Variants in JPH2 observed in about 807,000 individuals in gnomAD.
The protein encoded by JPH2 is junctophilin-2.
JPH2 carries 38 observed loss-of-function variants against 55.9 expected under a neutral mutation model. The ratio of observed to expected loss-of-function variants is 0.68; its 90% CI spans 0.52 to 0.89. The LOEUF (loss-of-function observed/expected upper bound fraction) is 0.89. JPH2 is among the 40% of genes least tolerant of loss of function. The pLI is 0.00. For missense variants in JPH2, 964 were observed against 1,037.6 expected, an observed-to-expected ratio of 0.93 and a Z score of 0.97; for synonymous variants, 480 against 472.4, an observed-to-expected ratio of 1.02 and a Z score of -0.21.
At chr20:44,137,356 G>T (rs927717531) in intron 2 of JPH2, among the ~76,000 whole-genome samples, 3 of 151,890 alleles carry the variant, frequency 2.0e-5, no homozygotes, top group African/African-American at 7.3e-5. Flanking sequence ...TCTGTGAGCC[G>T]GAGGAATGTG....
intron 2 of JPH2, among the ~76,000 whole-genome samples, chr20:44,143,730 A>G (rs1376005025): frequency 6.6e-6 from 1 of 152,142 alleles, no homozygotes; most frequent in Admixed American, 6.5e-5. Context: ...ACCTTAACTG[A>G]GGGCCCCATG....
chr20:44,180,337 T>A (rs985781597), intron 1 of JPH2, among the ~76,000 whole-genome samples: 1 of 149,900 alleles, frequency 6.7e-6, no homozygotes, highest in African/African-American at 2.5e-5. Context: ...TTATATTTAT[T>A]TTATTTTTTT....
chr20:44,161,079 T>TAC (rs374186241), intron 1 of JPH2, among the ~76,000 whole-genome samples: 11 of 151,592 alleles, frequency 7.3e-5, no homozygotes, highest in African/African-American at 2.2e-4. Flanking sequence ...CTGTCACACA[T>TAC]ACACACACAC....
intron 2 of JPH2, among the ~76,000 whole-genome samples, chr20:44,134,723 TATTTATTATAAATATATAA>T (rs2072389675): frequency 3.9e-5 from 3 of 76,030 alleles, no homozygotes; most frequent in Admixed American, 4.3e-4. Flanking sequence ...TATAAATATA[TATTTATTATAAATATATAA>T]AGATATATTT....
At chr20:44,157,621 C>A (rs904992054) in intron 2 of JPH2, among the ~76,000 whole-genome samples, 7 of 152,176 alleles carry the variant, frequency 4.6e-5, no homozygotes, top group African/African-American at 7.2e-5. Flanking sequence ...ACCAACTTGT[C>A]TTTATAGATG....
chr20:44,162,787 T>TATATAC (rs1311653754), intron 1 of JPH2, among the ~76,000 whole-genome samples: 7 of 41,004 alleles, frequency 1.7e-4, no homozygotes, highest in Non-Finnish European at 1.2e-4. Flanking sequence ...TATATATATA[T>TATATAC]ACACACACAC....
chr20:44,134,884 A>T lies in JPH2; in HGVS notation c.1170-16261T>A, dbSNP rs76147480. Reference sequence around the variant, plus strand: ...TATATAAATATATATATTTATATATATATTAATATATATTTATATATATAT... The same window carrying T: ...TATATAAATATATATATTTATATATTTATTAATATATATTTATATATATAT... On this transcript the variant is annotated intron_variant, in intron 2 of 5. Coordinates refer to ENST00000372980, the MANE Select transcript of JPH2 (RefSeq NM_020433.5). 3.7e-3 allele frequency among the ~76,000 whole-genome samples: 178 copies of T among 47,984 alleles called. 1 individual carries two copies. Among genetic ancestry groups the T allele is most frequent in the Non-Finnish European group, 6.3e-3 (164 of 26,230 alleles). 31.5% of individuals were successfully genotyped at this position (47,984 alleles called of 152,430 possible). A position where few individuals can be genotyped will look rare whatever the true frequency, so the allele number is the denominator to read the frequency against.
At chr20:44,122,893 C>A (rs2072248406) in intron 2 of JPH2, among the ~76,000 whole-genome samples, 1 of 152,126 alleles carries the variant, frequency 6.6e-6, no homozygotes, top group South Asian at 2.1e-4. Flanking sequence ...GCACATGAAA[C>A]CCCAGGAGGG....
intron 2 of JPH2, among the ~76,000 whole-genome samples, chr20:44,130,825 G>A (rs915435529): frequency 5.9e-5 from 9 of 151,968 alleles, no homozygotes; most frequent in African/African-American, 9.7e-5. Context: ...TTATTTTTTC[G>A]TTTTTTGGGG....
chr20:44,130,618 G>A (rs975894862), intron 2 of JPH2, among the ~76,000 whole-genome samples: 2 of 152,228 alleles, frequency 1.3e-5, no homozygotes, highest in Non-Finnish European at 1.5e-5. Context: ...TGGCAAAGAG[G>A]CTTTCACTGC....
chr20:44,173,289 G>T (rs2072710940), intron 1 of JPH2, among the ~76,000 whole-genome samples: 1 of 151,930 alleles, frequency 6.6e-6, no homozygotes, highest in Non-Finnish European at 1.5e-5. Context: ...AATATTTTTT[G>T]AACTTTTACA....
chr20:44,151,453 G>A (rs2072529775), intron 2 of JPH2, among the ~76,000 whole-genome samples: 1 of 152,118 alleles, frequency 6.6e-6, no homozygotes, highest in Non-Finnish European at 1.5e-5. Context: ...GGAGGTGGAG[G>A]TTGCAGCGAG....
At chr20:44,175,641 G>A (rs1307310789) in intron 1 of JPH2, among the ~76,000 whole-genome samples, 1 of 152,192 alleles carries the variant, frequency 6.6e-6, no homozygotes, top group Non-Finnish European at 1.5e-5. Context: ...ACAAGTCCCT[G>A]AGCCCGCAAG....
chr20:44,150,943 T>G lies in JPH2; in HGVS notation c.1169+8675A>C, dbSNP rs60462332. The stretch of plus-strand genomic sequence containing the variant: ...TACTTGGGAGGCTGAGATGGGAGGA[T>G]CACTTGAGCCTGGGTGGTGGAGGCT... On this transcript the variant is annotated intron_variant, in intron 2 of 5. Coordinates refer to ENST00000372980, the MANE Select transcript of JPH2 (RefSeq NM_020433.5). 3.9e-3 allele frequency among the ~76,000 whole-genome samples: 588 copies of G among 152,140 alleles called. 6 individuals carry two copies. Among genetic ancestry groups the G allele is most frequent in the East Asian group, 0.026 (135 of 5,182 alleles).
At chr20:44,148,474 C>T (rs1342410192) in intron 2 of JPH2, among the ~76,000 whole-genome samples, 1 of 152,166 alleles carries the variant, frequency 6.6e-6, no homozygotes, top group African/African-American at 2.4e-5. Context: ...CTTCCCCTAA[C>T]AGATGAGGAA....
chr20:44,148,949 C>T (rs772578173), intron 2 of JPH2, among the ~76,000 whole-genome samples: 1 of 151,958 alleles, frequency 6.6e-6, no homozygotes, highest in Admixed American at 6.6e-5. Flanking sequence ...CGCCCATAGT[C>T]CCAGCTACTC....
intron 2 of JPH2, among the ~76,000 whole-genome samples, chr20:44,138,410 G>T (rs1429619202): frequency 6.6e-6 from 1 of 151,930 alleles, no homozygotes; most frequent in Non-Finnish European, 1.5e-5. Flanking sequence ...ACAGAGTCTG[G>T]CTCTTTCGCC....
At chr20:44,116,734 C>G (rs1353641065) in intron 3 of JPH2, among the ~76,000 whole-genome samples, 1 of 152,210 alleles carries the variant, frequency 6.6e-6, no homozygotes, top group African/African-American at 2.4e-5. Context: ...TTTCCATTCC[C>G]TTATCTGAAA....
At chr20:44,143,628 C>G (rs939230550) in intron 2 of JPH2, among the ~76,000 whole-genome samples, 2 of 152,202 alleles carry the variant, frequency 1.3e-5, no homozygotes, top group Non-Finnish European at 2.9e-5. Context: ...TCGTGCTCCC[C>G]GCTCACGCCC....
Sources: allele counts gnomAD v4.1 joint callset (sites outside exome capture counted in the v4.1 genomes callset), GRCh38; gene constraint gnomAD v4.1.1; transcripts MANE v1.5; gene names NCBI Gene and HGNC (gene_info 2026-07-23, HGNC 2026-07-21).